Variants in DNM1L observed in about 807,000 individuals in gnomAD.
DNM1L encodes dynamin-1-like protein.
DNM1L carries 33 observed loss-of-function variants against 92.8 expected under a neutral mutation model. That is an observed-to-expected ratio of 0.36 (90% confidence interval 0.27 to 0.48). The LOEUF (loss-of-function observed/expected upper bound fraction) is 0.48, where lower values mean the gene tolerates loss of function less well. Among genes scored for constraint, DNM1L ranks in the 20% least tolerant of loss-of-function variants. The pLI is 0.99. For synonymous variants in DNM1L, 284 were observed against 305.0 expected (o/e 0.93, Z 0.72); for missense variants, 485 against 888.8 (o/e 0.55, Z 5.78).
At chr12:32,740,545 G>T in intron 18 of DNM1L, 27 bp downstream of exon 18, 1 of 1,551,912 alleles carries the variant, frequency 6.4e-7, no homozygotes, top group South Asian at 1.1e-5. Context: ...ATAAATGACG[G>T]ACTTTAATAC....
rs1954577257 is a variant in DNM1L, at chr12:32,731,840, T to C, written c.1357-14T>C. ...AAAAAACAAACACGTTTTTCTTTCA[T>C]CTACCATTTGTAGGAATTGTTACGA... is the stretch of plus-strand genomic sequence containing the variant. On this transcript the variant is annotated splice_polypyrimidine_tract_variant and intron_variant, in intron 11 of 19. Coordinates refer to ENST00000549701, the MANE Select transcript of DNM1L (RefSeq NM_012062.5). The surrounding 1 kb of genome is among the most constrained non-coding windows in gnomAD (Gnocchi z 5.1). 1 of 1,600,646 alleles carries C rather than the reference T, an allele frequency of 6.2e-7. No individual in the cohort carries two copies. The highest frequency in any genetic ancestry group is 1.7e-4 in the Middle Eastern group (1 of 6,042).
rs370147661 is a variant in DNM1L at position 32,688,473 on chromosome 12, C to T, written c.102+9008C>T. On this transcript the variant is annotated intron_variant, in intron 1 of 19. Coordinates refer to ENST00000549701, the MANE Select transcript of DNM1L (RefSeq NM_012062.5). ...AAGTAAAGGAATAAAAGAATGGCTA[C>T]TCCATAGGCAGAGCTGCTGTGGCCC... Among the ~76,000 whole-genome samples the T allele has an allele frequency of 4.7e-3, 711 of 152,320 alleles. 17 individuals are homozygous for T. In the South Asian group the frequency reaches 0.078, roughly 17 times the overall value.
In DNM1L at chr12:32,743,566, A is replaced by G; in HGVS notation, c.*156A>G. On this transcript the variant is annotated 3_prime_UTR_variant, in exon 20 of 20. Transcript: ENST00000549701. ...AACTGAAAAGTGTATTCCAAATTGC[A>G]GAACACATCACACATTTAATCCAAA... 6 of 674,588 alleles carry G rather than the reference A, an allele frequency of 8.9e-6. No individual in the cohort carries two copies. Among genetic ancestry groups the G allele is most frequent in the South Asian group, 3.6e-5 (2 of 56,238 alleles). 41.8% of individuals were successfully genotyped at this position (674,588 alleles called of 1,614,324 possible).
intron 1 of DNM1L, among the ~76,000 whole-genome samples, chr12:32,685,654 C>T (rs1455880549): frequency 2.0e-5 from 3 of 151,960 alleles, no homozygotes; most frequent in African/African-American, 2.4e-5. Flanking sequence ...TGAGCTGCTG[C>T]GCCCAGCCGT....
At chr12:32,720,156 C>CATTCTCCCATCCCCACTCCCA in intron 7 of DNM1L, among the ~76,000 whole-genome samples, 1 of 152,314 alleles carries the variant, frequency 6.6e-6, no homozygotes, top group Non-Finnish European at 1.5e-5. Context: ...TCCCCACTGT[C>CATTCTCCCATCCCCACTCCCA]ATTCTCCCAT....
chr12:32,701,598 C>T, intron 2 of DNM1L, 36 bp downstream of exon 2: 1 of 1,559,860 alleles, frequency 6.4e-7, no homozygotes, highest in Non-Finnish European at 8.8e-7. Context: ...TTTTACAGCT[C>T]TTCATTTTTG....
intron 1 of DNM1L, chr12:32,679,757 G>T (rs1213140937): frequency 9.1e-7 from 1 of 1,098,448 alleles, no homozygotes; most frequent in Admixed American, 5.2e-5. Context: ...GATGGGGCCG[G>T]CGGGCGGAAC....
chr12:32,745,344 T>C lies in DNM1L; in HGVS notation c.*1934T>C, dbSNP rs1955583697. On this transcript the variant is annotated 3_prime_UTR_variant, in exon 20 of 20. Transcript: ENST00000549701. ...TTCTCCAGCACATCAGATTTCAAAT[T>C]GAAAATTAAAGACATGCTATGGTAA... 4.5e-6 allele frequency: 1 copy of C among 223,408 alleles called. No homozygotes were observed. The highest frequency in any genetic ancestry group is 8.8e-6 in the Non-Finnish European group (1 of 113,888). 13.8% of individuals were successfully genotyped at this position (223,408 alleles called of 1,614,324 possible). A position where few individuals can be genotyped will look rare whatever the true frequency, so the allele number is the denominator to read the frequency against.
chr12:32,679,531 A>C, intron 1 of DNM1L, 66 bp downstream of exon 1: 1 of 1,512,124 alleles, frequency 6.6e-7, no homozygotes, highest in South Asian at 1.1e-5. Flanking sequence ...GTGCTGCGGC[A>C]GTGCCCACTC....
chr12:32,696,132 G>A (rs564349046), intron 1 of DNM1L, among the ~76,000 whole-genome samples: 2 of 152,118 alleles, frequency 1.3e-5, no homozygotes, highest in South Asian at 2.1e-4. Context: ...AAAGTGACAC[G>A]GTAGACCAAT....
chr12:32,717,546 C>T (rs1289316043), intron 6 of DNM1L, among the ~76,000 whole-genome samples: 5 of 116,526 alleles, frequency 4.3e-5, no homozygotes, highest in African/African-American at 1.7e-4. Flanking sequence ...ACAATTTTAC[C>T]TATGGCATTT....
intron 18 of DNM1L, 83 bp downstream of exon 18, chr12:32,740,601 A>G: frequency 7.9e-7 from 1 of 1,269,076 alleles, no homozygotes; most frequent in Non-Finnish European, 1.1e-6. Context: ...ATGTATTTTT[A>G]CAATTTTAGG....
At chr12:32,693,671 T>A (rs1044952874) in intron 1 of DNM1L, among the ~76,000 whole-genome samples, 1 of 152,298 alleles carries the variant, frequency 6.6e-6, no homozygotes. Flanking sequence ...AGGGTCTCAC[T>A]CTCTTGCCCA....
Position 32,701,148 on chromosome 12 carries a change from C to T in DNM1L, c.103-267C>T, listed in dbSNP as rs1965538. Among the ~76,000 whole-genome samples the T allele has an allele frequency of 0.15, 23,404 of 151,902 alleles. 1,907 individuals are homozygous for T. The highest frequency in any genetic ancestry group is 0.21 in the Middle Eastern group (62 of 294). On this transcript the variant is annotated intron_variant, in intron 1 of 19. Transcript: ENST00000549701. The stretch of plus-strand genomic sequence containing the variant: ...AAAATTAGCCAGGCGTGGTGGCACA[C>T]GCCTGTAATCCCAGCTACTTGGGAG...
chr12:32,684,614 G>A (rs548750326), intron 1 of DNM1L, among the ~76,000 whole-genome samples: 1 of 152,150 alleles, frequency 6.6e-6, no homozygotes, highest in Non-Finnish European at 1.5e-5. Context: ...TTACAGGCGC[G>A]TGCTACCGCA....
intron 13 of DNM1L, among the ~76,000 whole-genome samples, chr12:32,735,621 C>T (rs1339903982): frequency 6.6e-6 from 1 of 152,080 alleles, no homozygotes; most frequent in Non-Finnish European, 1.5e-5. Flanking sequence ...TGGCTCATGC[C>T]TGTAATCCCA....
intron 6 of DNM1L, among the ~76,000 whole-genome samples, 170 bp downstream of exon 6, chr12:32,713,541 GTTA>G (rs1408148545): frequency 5.3e-5 from 8 of 152,080 alleles, no homozygotes; most frequent in Non-Finnish European, 1.0e-4. Flanking sequence ...GGAAAATAAG[GTTA>G]TTAAGTTGCT....
At chr12:32,721,156 T>C (rs1015152543) in intron 8 of DNM1L, among the ~76,000 whole-genome samples, 1 of 152,248 alleles carries the variant, frequency 6.6e-6, no homozygotes, top group Non-Finnish European at 1.5e-5. Flanking sequence ...GAATGTGTTT[T>C]ATTTACCAGG....
chr12:32,719,485 C>T (rs1159520097), intron 7 of DNM1L, among the ~76,000 whole-genome samples: 3 of 152,054 alleles, frequency 2.0e-5, no homozygotes, highest in Admixed American at 2.0e-4. Flanking sequence ...GTGTAATTGC[C>T]AGGATGTGAC....
Sources: gnomAD v4.1 joint callset for allele counts (sites outside exome capture counted in the v4.1 genomes callset) on GRCh38, gnomAD v4.1.1 for gene constraint, Gnocchi (gnomAD v3.1) non-coding constraint, MANE v1.5 for transcripts, NCBI Gene and HGNC (gene_info 2026-07-23, HGNC 2026-07-21) for gene names.